IQCM: variants seen among roughly 807,000 people sequenced by gnomAD.
IQCM encodes IQ motif containing M.
A neutral mutation model predicts 57.6 loss-of-function variants in IQCM; 45 were observed. That is an observed-to-expected ratio of 0.78 (90% CI 0.62 to 1.00). The LOEUF is 1.00. Among genes scored for constraint, IQCM ranks in the 50% least tolerant of loss-of-function variants. The pLI, the probability that IQCM is intolerant of heterozygous loss-of-function variation, is 0.00. For synonymous variants in IQCM, 148 were observed against 158.9 expected (o/e 0.93, Z 0.51); for missense variants, 468 against 511.6 (o/e 0.91, Z 0.82).
chr4:149,420,776 T>A (rs1182420080), intron 13 of IQCM, among the ~76,000 whole-genome samples: 1 of 152,132 alleles, frequency 6.6e-6, no homozygotes, highest in Non-Finnish European at 1.5e-5. Context: ...TAATTATGTT[T>A]TGAATTTAAT....
chr4:149,799,293 A>AC (rs1773392289), intron 2 of IQCM, among the ~76,000 whole-genome samples: 1 of 151,776 alleles, frequency 6.6e-6, no homozygotes. Flanking sequence ...AGGTCTTGAA[A>AC]AAATAAAAAT....
chr4:149,491,251 A>G (rs1412815765), intron 12 of IQCM, among the ~76,000 whole-genome samples: 1 of 152,114 alleles, frequency 6.6e-6, no homozygotes, highest in African/African-American at 2.4e-5. Flanking sequence ...AATTAAGCTA[A>G]TTAACATATG....
intron 7 of IQCM, among the ~76,000 whole-genome samples, chr4:149,626,938 G>T (rs1195010946): frequency 1.3e-5 from 2 of 150,372 alleles, no homozygotes; most frequent in African/African-American, 4.9e-5. Context: ...AAAAAATACA[G>T]AAAAAAAAAG....
At chr4:149,569,029 TAC>T (rs1750906156) in intron 9 of IQCM, among the ~76,000 whole-genome samples, 1 of 152,294 alleles carries the variant, frequency 6.6e-6, no homozygotes, top group East Asian at 1.9e-4. Context: ...TAAGAGACTT[TAC>T]ACAGTTTCAT....
intron 13 of IQCM, among the ~76,000 whole-genome samples, chr4:149,395,858 TG>T (rs1029805996): frequency 3.9e-5 from 6 of 152,120 alleles, no homozygotes; most frequent in African/African-American, 7.2e-5. Flanking sequence ...AACACTAATA[TG>T]TTATTTCTTC....
chr4:149,634,119 C>T (rs1475670349), intron 7 of IQCM, among the ~76,000 whole-genome samples: 5 of 152,032 alleles, frequency 3.3e-5, no homozygotes, highest in African/African-American at 1.2e-4. Context: ...AAGCGATTCT[C>T]CTGCCTTAGC....
intron 10 of IQCM, among the ~76,000 whole-genome samples, chr4:149,563,461 C>T (rs1050436746): frequency 1.3e-5 from 2 of 152,022 alleles, no homozygotes; most frequent in African/African-American, 4.8e-5. Context: ...TGGCAGGCAC[C>T]TGTAATCCCA....
Position 149,553,227 on chromosome 4 carries a change from GGTGGA to G in IQCM, c.1004_1008del (p.Ile335ThrfsTer3). 1 of 1,231,794 alleles carries G rather than the reference GGTGGA, an allele frequency of 8.1e-7. No individual in the cohort carries two copies. The highest frequency in any genetic ancestry group is 1.0e-6 in the Non-Finnish European group (1 of 987,722). The allele number at this position is 1,231,794 out of a possible 1,614,324, so 76.3% of individuals were successfully genotyped here. A position where few individuals can be genotyped will look rare whatever the true frequency, so the allele number is the denominator to read the frequency against. ...CAAAGACCACGTCGATATCTAACAC[GGTGGA>G]TTAGTCTGCCATACATGTTAATAAC... On this transcript the variant is annotated frameshift_variant, in exon 11 of 14. Coordinates refer to ENST00000636793, the MANE Select transcript of IQCM (RefSeq NM_001363507.2). LOFTEE classifies it high-confidence loss of function.
chr4:149,460,321 A>C (rs1738138387), intron 12 of IQCM, among the ~76,000 whole-genome samples: 1 of 152,160 alleles, frequency 6.6e-6, no homozygotes, highest in African/African-American at 2.4e-5. Context: ...TGAACCCCTT[A>C]TAAGATACAT....
chr4:149,501,259 A>T (rs1262766242), intron 12 of IQCM, among the ~76,000 whole-genome samples: 1 of 152,222 alleles, frequency 6.6e-6, no homozygotes, highest in Non-Finnish European at 1.5e-5. Flanking sequence ...AACTAATCAC[A>T]TTGTGTGTAA....
At chr4:149,514,645 CTGTTAATGTCTCTTAACCTTCTTG>C (rs1171599875) in intron 12 of IQCM, 2 of 152,204 alleles carry the variant, frequency 1.3e-5, no homozygotes, top group East Asian at 3.9e-4. Flanking sequence ...GTTTTTCAGT[CTGTTAATGTCTCTTAACCTTCTTG>C]GAGCTTGTGA....
At chr4:149,807,577 C>CA (rs1053592492) in intron 2 of IQCM, among the ~76,000 whole-genome samples, 35 of 151,828 alleles carry the variant, frequency 2.3e-4, no homozygotes, top group African/African-American at 8.4e-4. Context: ...CAAAAATAGA[C>CA]AAAAGAGATT....
chr4:149,480,614 C>T (rs570954756), intron 12 of IQCM, among the ~76,000 whole-genome samples: 2 of 152,254 alleles, frequency 1.3e-5, no homozygotes, highest in Non-Finnish European at 2.9e-5. Flanking sequence ...TAGTTGAATA[C>T]TACTCCATTG....
At chr4:149,670,966 G>C (rs1317829916) in intron 7 of IQCM, among the ~76,000 whole-genome samples, 1 of 146,424 alleles carries the variant, frequency 6.8e-6, no homozygotes, top group Non-Finnish European at 1.5e-5. Flanking sequence ...TTGTGTCTCT[G>C]CCAGGCTTTG....
At chr4:149,738,034 T>C (rs1363492984) in intron 3 of IQCM, among the ~76,000 whole-genome samples, 1 of 152,178 alleles carries the variant, frequency 6.6e-6, no homozygotes, top group African/African-American at 2.4e-5. Context: ...AAAATGTAGC[T>C]TTGTGGAAAC....
intron 13 of IQCM, among the ~76,000 whole-genome samples, chr4:149,385,270 C>G (rs1731342349): frequency 6.6e-6 from 1 of 151,972 alleles, no homozygotes; most frequent in African/African-American, 2.4e-5. Flanking sequence ...GTCACGATGC[C>G]TTTCCTTAAA....
chr4:149,404,669 A>T (rs1287916685), intron 13 of IQCM, among the ~76,000 whole-genome samples: 1 of 152,044 alleles, frequency 6.6e-6, no homozygotes, highest in Non-Finnish European at 1.5e-5. Flanking sequence ...TCAGATATGG[A>T]ACAAAAAGTA....
At chr4:149,565,925 T>C in intron 9 of IQCM, among the ~76,000 whole-genome samples, 1 of 152,216 alleles carries the variant, frequency 6.6e-6, no homozygotes, top group East Asian at 1.9e-4. Flanking sequence ...TTGAAAATTT[T>C]TATAAATTAC....
chr4:149,380,776 C>G (rs2111031528), intron 13 of IQCM, among the ~76,000 whole-genome samples: 1 of 152,110 alleles, frequency 6.6e-6, no homozygotes, highest in African/African-American at 2.4e-5. Flanking sequence ...GGAGAGAGAG[C>G]CAATTGACAT....
Sources: allele counts gnomAD v4.1 joint callset (sites outside exome capture counted in the v4.1 genomes callset), GRCh38; gene constraint gnomAD v4.1.1; transcripts MANE v1.5; gene names NCBI Gene and HGNC (gene_info 2026-07-23, HGNC 2026-07-21).